Variants in PLA2R1 observed in about 807,000 individuals in gnomAD.
The protein encoded by PLA2R1 is phospholipase A2 receptor 1.
PLA2R1 carries 158 observed loss-of-function variants against 195.9 expected under a neutral mutation model. The observed-to-expected ratio is 0.81, with a 90% confidence interval of 0.71 to 0.92. The LOEUF is 0.92. Among genes scored for constraint, PLA2R1 ranks in the 40% least tolerant of loss-of-function variants. The pLI is 0.00. For missense variants in PLA2R1, 1,626 were observed against 1,764.6 expected (o/e 0.92, Z 1.41); for synonymous variants, 586 against 598.2 (o/e 0.98, Z 0.30).
At chr2:160,056,234 AG>A (rs1573991822) in intron 1 of PLA2R1, among the ~76,000 whole-genome samples, 1 of 152,184 alleles carries the variant, frequency 6.6e-6, no homozygotes, top group East Asian at 1.9e-4. Flanking sequence ...ATATTAGGTA[AG>A]GGTATTTTTT....
In PLA2R1 at chr2:159,981,976, T is replaced by C. The variant is rs559156112; in HGVS notation, c.2183+1952A>G. ...CCCACTGTGCCTGGCTCATATTATA[T>C]GACTTTTGTGATCAGATATTGAAGA... On this transcript the variant is annotated intron_variant, in intron 13 of 29. Transcript: ENST00000283243. 2.6e-5 allele frequency among the ~76,000 whole-genome samples: 4 copies of C among 152,310 alleles called. 1 individual carries two copies. In the South Asian group the frequency reaches 6.2e-4, roughly 24 times the overall value.
rs1400367852 is a variant in PLA2R1 at position 159,991,768 on chromosome 2, C to T, written c.1835-4410G>A. Among the ~76,000 whole-genome samples the T allele has an allele frequency of 4.6e-4, 62 of 134,882 alleles. 1 individual carries two copies. The highest frequency in any genetic ancestry group is 3.5e-3 in the Middle Eastern group (1 of 284). The allele number at this position is 134,882 out of a possible 152,430, so 88.5% of individuals were successfully genotyped here. On this transcript the variant is annotated intron_variant, in intron 11 of 29. Coordinates refer to ENST00000283243, the MANE Select transcript of PLA2R1 (RefSeq NM_007366.5). ...TGAGAATGATGATTTCCAATTTCAT[C>T]CATGTCCCTACAAAGGACATGAACT...
intron 16 of PLA2R1, among the ~76,000 whole-genome samples, chr2:159,976,460 A>C (rs976904821): frequency 1.6e-4 from 24 of 152,182 alleles, no homozygotes; most frequent in African/African-American, 5.8e-4. Flanking sequence ...GGATAGGTAC[A>C]TATTCTAAAA....
intron 3 of PLA2R1, among the ~76,000 whole-genome samples, chr2:160,039,898 T>C (rs1694416282): frequency 6.6e-6 from 1 of 150,976 alleles, no homozygotes; most frequent in Admixed American, 6.6e-5. Context: ...TCATTGGAAG[T>C]TTCCCAGTGG....
Position 159,956,397 on chromosome 2 carries a change from A to G in PLA2R1, c.3022+113T>C, listed in dbSNP as rs997423181. The G allele has an allele frequency of 3.1e-5, 22 of 710,250 alleles. No homozygotes were observed. In the African/African-American group the frequency reaches 3.7e-4, roughly 12 times the overall value. 44.0% of individuals were successfully genotyped at this position (710,250 alleles called of 1,614,324 possible). A position where few individuals can be genotyped will look rare whatever the true frequency, so the allele number is the denominator to read the frequency against. On this transcript the variant is annotated intron_variant, in intron 21 of 29. Coordinates refer to ENST00000283243, the MANE Select transcript of PLA2R1 (RefSeq NM_007366.5). ...ACTGCAAACTCGTGTATCATCAGCAACACAGTATTTTAAATGTTGATTTGG... is the reference window on the plus strand; with the variant it reads ...ACTGCAAACTCGTGTATCATCAGCAGCACAGTATTTTAAATGTTGATTTGG...
intron 1 of PLA2R1, among the ~76,000 whole-genome samples, chr2:160,051,692 C>T (rs535462418): frequency 2.0e-5 from 3 of 152,114 alleles, no homozygotes; most frequent in East Asian, 1.9e-4. Context: ...TATTCATGGC[C>T]GAGTGATGCA....
chr2:159,924,444 G>A, the PLA2R1 span, among the ~76,000 whole-genome samples: 1 of 152,184 alleles, frequency 6.6e-6, no homozygotes, highest in Non-Finnish European at 1.5e-5. Flanking sequence ...CATTGGTGGA[G>A]CCTATGTCCC....
intron 22 of PLA2R1, among the ~76,000 whole-genome samples, 157 bp from the exon 23 acceptor site, chr2:159,955,503 TAAAC>T (rs1688028121): frequency 6.6e-6 from 1 of 151,760 alleles, no homozygotes; most frequent in Non-Finnish European, 1.5e-5. Flanking sequence ...ACCTACAAAA[TAAAC>T]AATTATTGTG....
At chr2:160,057,763 A>G (rs548657943) in intron 1 of PLA2R1, among the ~76,000 whole-genome samples, 44 of 152,114 alleles carry the variant, frequency 2.9e-4, no homozygotes, top group African/African-American at 1.0e-3. Flanking sequence ...TACCTCCCCA[A>G]TCTGGAGGTG....
chr2:159,949,728 A>C lies in PLA2R1; in HGVS notation c.3589T>G (p.Phe1197Val), dbSNP rs1369283051. 2 of 1,613,696 alleles carry C rather than the reference A, an allele frequency of 1.2e-6. No homozygotes were observed. The highest frequency in any genetic ancestry group is 1.7e-6 in the Non-Finnish European group (2 of 1,179,722). The change falls in exon 25 of 30, where the codon TTT becomes GTT. Residue 1197 changes from phenylalanine to valine, a missense_variant. Physicochemically the swap from Phe to Val is conservative, Grantham distance 50 (BLOSUM62 -1). Coordinates refer to ENST00000283243, the MANE Select transcript of PLA2R1 (RefSeq NM_007366.5). ...WSDGTKSSFT[F>V]WKDEESSLLG... The stretch of plus-strand genomic sequence containing the variant: ...AGGGAGGACTCCTCATCTTTCCAAA[A>C]AGTGAAAGAAGATTTGGTGCCATCA...
chr2:160,006,380 A>G (rs1426773815), intron 10 of PLA2R1, among the ~76,000 whole-genome samples: 1 of 152,236 alleles, frequency 6.6e-6, no homozygotes, highest in African/African-American at 2.4e-5. Flanking sequence ...GGTAGGTCTC[A>G]GCTTATTCAA....
intron 1 of PLA2R1, among the ~76,000 whole-genome samples, chr2:160,055,466 G>A (rs1379533794): frequency 6.6e-6 from 1 of 152,214 alleles, no homozygotes; most frequent in African/African-American, 2.4e-5. Flanking sequence ...TTCTGCTTTA[G>A]GAAAATATCA....
At chr2:159,969,742 C>T (rs1689028612) in intron 18 of PLA2R1, among the ~76,000 whole-genome samples, 1 of 152,106 alleles carries the variant, frequency 6.6e-6, no homozygotes, top group Non-Finnish European at 1.5e-5. Flanking sequence ...AGAGTTTCTC[C>T]ATGTTGGCCA....
intron 18 of PLA2R1, 128 bp downstream of exon 18, chr2:159,970,020 G>C: frequency 1.6e-6 from 1 of 606,552 alleles, no homozygotes; most frequent in South Asian, 2.2e-5. Flanking sequence ...TCTTTGGTTA[G>C]AGAAGTGAAA....
chr2:160,029,905 A>G (rs1273301080), intron 4 of PLA2R1, among the ~76,000 whole-genome samples: 1 of 152,206 alleles, frequency 6.6e-6, no homozygotes, highest in Admixed American at 6.5e-5. Flanking sequence ...TCAGAGCCCA[A>G]TTTATTTTTA....
At chr2:159,948,232 T>A (rs1560134550) in intron 25 of PLA2R1, among the ~76,000 whole-genome samples, 1 of 152,064 alleles carries the variant, frequency 6.6e-6, no homozygotes, top group Non-Finnish European at 1.5e-5. Flanking sequence ...ATATTTTTTT[T>A]AATTACAAAA....
intron 8 of PLA2R1, among the ~76,000 whole-genome samples, chr2:160,017,005 G>A (rs758472777): frequency 7.9e-5 from 12 of 152,230 alleles, no homozygotes; most frequent in East Asian, 3.9e-4. Context: ...AATGCAGGGC[G>A]ATTTTCATAT....
Position 159,946,808 on chromosome 2 carries a change from A to C in PLA2R1, c.3960T>G (p.Asp1320Glu), listed in dbSNP as rs1183039539. The change falls in exon 27 of 30, where the codon GAT (aspartate) becomes GAG (glutamate). Residue 1320 changes from aspartate (D) to glutamate (E), a missense_variant. Coordinates refer to ENST00000283243, the MANE Select transcript of PLA2R1 (RefSeq NM_007366.5). Reference sequence around the variant, plus strand: ...TCTACCCAAATCACTTACTGTTACCATCAAATTGAGCATTCAACCAAACCA... The same window carrying C: ...TCTACCCAAATCACTTACTGTTACCCTCAAATTGAGCATTCAACCAAACCA... ...VQMVWLNAQF[D>E]GNNETIKWFD... 6.2e-7 allele frequency: 1 copy of C among 1,607,008 alleles called. No individual in the cohort carries two copies. Among genetic ancestry groups the C allele is most frequent in the Admixed American group, 1.7e-5 (1 of 57,796 alleles).
At chr2:159,965,062 G>A (rs567327088) in intron 20 of PLA2R1, among the ~76,000 whole-genome samples, 23 of 152,140 alleles carry the variant, frequency 1.5e-4, no homozygotes, top group Admixed American at 2.6e-4. Flanking sequence ...TTTCCCACCT[G>A]ATCCACACAT....
Sources: gnomAD v4.1 joint callset for allele counts (sites outside exome capture counted in the v4.1 genomes callset) on GRCh38, gnomAD v4.1.1 for gene constraint, MANE v1.5 for transcripts, NCBI Gene and HGNC (gene_info 2026-07-23, HGNC 2026-07-21) for gene names.